The following SH3RF3 variants were observed in gnomAD, a reference collection of about 807,000 sequenced individuals.
The protein encoded by SH3RF3 is E3 ubiquitin-protein ligase SH3RF3.
Under a neutral mutation model 66.3 loss-of-function variants are expected in SH3RF3, and 29 were observed. The ratio of observed to expected loss-of-function variants is 0.44; its 90% CI spans 0.33 to 0.60. The LOEUF is 0.60. Among genes scored for constraint, SH3RF3 ranks in the 20% least tolerant of loss-of-function variants. The pLI, the probability that SH3RF3 is intolerant of heterozygous loss-of-function variation, is 0.04. For synonymous variants in SH3RF3, 583 were observed against 532.0 expected, an observed-to-expected ratio of 1.10 and a Z score of -1.32; for missense variants, 1,194 against 1,190.9, an observed-to-expected ratio of 1.00 and a Z score of -0.04.
Position 109,504,079 on chromosome 2 carries a change from A to C in SH3RF3, c.*2408A>C, listed in dbSNP as rs1039990930. On this transcript the variant is annotated 3_prime_UTR_variant, in exon 10 of 10. Transcript: ENST00000309415. ...GCCCATGTGCATTTCTGAGTATTTT[A>C]AACTCGTTCAGGCCCTGCAGCCTTC... 1 of 152,214 alleles carries C rather than the reference A, an allele frequency of 6.6e-6. No homozygotes were observed. Among genetic ancestry groups the C allele is most frequent in the African/African-American group, 2.4e-5 (1 of 41,452 alleles). The allele number at this position is 152,214 out of a possible 1,614,324, so 9.4% of individuals were successfully genotyped here.
intron 1 of SH3RF3, among the ~76,000 whole-genome samples, chr2:109,169,568 T>A (rs1677709462): frequency 6.6e-6 from 1 of 152,124 alleles, no homozygotes; most frequent in Non-Finnish European, 1.5e-5. Context: ...GCTAAAGGCA[T>A]AAAGTTGCTT....
At chr2:109,403,077 C>T (rs1167906282) in intron 4 of SH3RF3, among the ~76,000 whole-genome samples, 1 of 152,172 alleles carries the variant, frequency 6.6e-6, no homozygotes, top group Non-Finnish European at 1.5e-5. Flanking sequence ...ACTGGTTTTG[C>T]TCTTTCTTTG....
At chr2:109,264,911 C>G (rs1333216244) in intron 1 of SH3RF3, among the ~76,000 whole-genome samples, 1 of 152,186 alleles carries the variant, frequency 6.6e-6, no homozygotes, top group African/African-American at 2.4e-5. Flanking sequence ...GTCTGCCTTC[C>G]TAGCATAATT....
chr2:109,273,454 G>A (rs183084830), intron 1 of SH3RF3, among the ~76,000 whole-genome samples: 179 of 152,332 alleles, frequency 1.2e-3, no homozygotes, highest in African/African-American at 3.7e-3. Flanking sequence ...GGGGCTGGGC[G>A]GAGGAGGGGA....
intron 1 of SH3RF3, among the ~76,000 whole-genome samples, chr2:109,324,114 C>T (rs538760826): frequency 2.0e-5 from 3 of 152,118 alleles, no homozygotes; most frequent in Non-Finnish European, 4.4e-5. Flanking sequence ...TTTCAAGGTT[C>T]GTCTTGGTTG....
chr2:109,458,996 A>G (rs528725089), intron 8 of SH3RF3, among the ~76,000 whole-genome samples: 7 of 152,312 alleles, frequency 4.6e-5, no homozygotes, highest in Non-Finnish European at 1.0e-4. Context: ...TAGTTTCCAC[A>G]TAAAGACAAA....
intron 1 of SH3RF3, among the ~76,000 whole-genome samples, chr2:109,159,325 C>T (rs763431079): frequency 6.6e-6 from 1 of 152,162 alleles, no homozygotes; most frequent in Non-Finnish European, 1.5e-5. Flanking sequence ...CTCGTCCTGC[C>T]GAGAGGGTGC....
At chr2:109,371,751 C>T (rs527481233) in intron 3 of SH3RF3, 70 bp downstream of exon 3, 5 of 1,356,482 alleles carry the variant, frequency 3.7e-6, no homozygotes, top group South Asian at 1.2e-5. Flanking sequence ...GTGGGGTCAC[C>T]TGACCTTCAA....
At chr2:109,459,067 C>T (rs138239924) in intron 8 of SH3RF3, among the ~76,000 whole-genome samples, 51 of 152,196 alleles carry the variant, frequency 3.4e-4, no homozygotes, top group Middle Eastern at 3.4e-3. Context: ...AGAGTGCATG[C>T]GCCCTTCCCA....
intron 1 of SH3RF3, among the ~76,000 whole-genome samples, chr2:109,134,642 TCCTTGCTGAGCGGCAC>T (rs1477621461): frequency 6.6e-6 from 1 of 152,198 alleles, no homozygotes; most frequent in Non-Finnish European, 1.5e-5. Context: ...CTCCAGAATT[TCCTTGCTGAGCGGCAC>T]ACAGTTAATG....
At chr2:109,413,983 C>T (rs931304306) in intron 4 of SH3RF3, among the ~76,000 whole-genome samples, 1 of 152,244 alleles carries the variant, frequency 6.6e-6, no homozygotes, top group Non-Finnish European at 1.5e-5. Flanking sequence ...GTGGGTCCTT[C>T]TAGGTCCTTG....
At chr2:109,451,269 TC>T (rs1238822375) in intron 8 of SH3RF3, among the ~76,000 whole-genome samples, 1 of 152,218 alleles carries the variant, frequency 6.6e-6, no homozygotes, top group African/African-American at 2.4e-5. Context: ...TTGAATCTGT[TC>T]CCTTCTACCC....
In SH3RF3 at chr2:109,366,774, G is replaced by A. The variant is rs895580253; in HGVS notation, c.850-4812G>A. Among the ~76,000 whole-genome samples the A allele has an allele frequency of 4.6e-5, 7 of 152,268 alleles. No individual in the cohort carries two copies. The East Asian group carries it at 7.7e-4, about 17-fold the overall frequency. ...AGGCTGAGGAGGGAGGACCACTTGC[G>A]CCTGGAAAGTCAAAGCTGCAGTGAG... is the stretch of plus-strand genomic sequence containing the variant. On this transcript the variant is annotated intron_variant, in intron 2 of 9. Coordinates refer to ENST00000309415, the MANE Select transcript of SH3RF3 (RefSeq NM_001099289.3).
intron 3 of SH3RF3, among the ~76,000 whole-genome samples, chr2:109,374,285 G>A (rs1460585130): frequency 6.6e-6 from 1 of 152,244 alleles, no homozygotes; most frequent in Non-Finnish European, 1.5e-5. Flanking sequence ...TGCCCATGCA[G>A]TACTGGGCTC....
Position 109,401,581 on chromosome 2 carries a change from T to C in SH3RF3, c.1299+2638T>C, listed in dbSNP as rs909487899. Among the ~76,000 whole-genome samples the C allele has an allele frequency of 2.6e-5, 4 of 152,218 alleles. No individual in the cohort carries two copies. In the East Asian group the frequency reaches 7.7e-4, roughly 29 times the overall value. ...TGTCCAAAGCTGCCCTCGGTGTTCCTTGGAGTTCTAAAAAAGGAGCCCACA... is the reference window on the plus strand; with the variant it reads ...TGTCCAAAGCTGCCCTCGGTGTTCCCTGGAGTTCTAAAAAAGGAGCCCACA... On this transcript the variant is annotated intron_variant, in intron 4 of 9. Transcript: ENST00000309415.
chr2:109,490,059 C>CT (rs1373757133), intron 8 of SH3RF3, among the ~76,000 whole-genome samples: 1 of 152,162 alleles, frequency 6.6e-6, no homozygotes, highest in East Asian at 1.9e-4. Context: ...TTGGTCTTAG[C>CT]TTTGTTTTCC....
chr2:109,331,951 C>T (rs569839364), intron 1 of SH3RF3, among the ~76,000 whole-genome samples: 7 of 152,194 alleles, frequency 4.6e-5, no homozygotes, highest in African/African-American at 9.7e-5. Flanking sequence ...GCCGATCCTC[C>T]GATGGGTCTT....
Position 109,129,614 on chromosome 2 carries a change from A to G in SH3RF3, c.74A>G (p.Asp25Gly). 2.0e-6 allele frequency: 3 copies of G among 1,485,792 alleles called. No individual in the cohort carries two copies. The highest frequency in any genetic ancestry group is 1.8e-6 in the Non-Finnish European group (2 of 1,126,484). 92.0% of individuals were successfully genotyped at this position (1,485,792 alleles called of 1,614,324 possible). Reference sequence around the variant, plus strand: ...GCTGCGCAGAGCGAGGGCGACGAGGACAGGCCAGGCGAGCGACGGCGGCGT... The same window carrying G: ...GCTGCGCAGAGCGAGGGCGACGAGGGCAGGCCAGGCGAGCGACGGCGGCGT... Reference protein sequence around the residue: ...AAAAQSEGDEDRPGERRRRRA... With the variant: ...AAAAQSEGDEGRPGERRRRRA... The change falls in exon 1 of 10, where the codon GAC (aspartate) becomes GGC (glycine). Residue 25 changes from aspartate (D) to glycine (G), a missense_variant. By Grantham distance (94) the Asp-to-Gly change is moderately conservative. Coordinates refer to ENST00000309415, the MANE Select transcript of SH3RF3 (RefSeq NM_001099289.3).
intron 3 of SH3RF3, among the ~76,000 whole-genome samples, chr2:109,397,100 G>T (rs1041040080): frequency 2.0e-5 from 3 of 152,154 alleles, no homozygotes; most frequent in African/African-American, 7.2e-5. Context: ...TGCTGCTGCA[G>T]AGACCCTGTA....
Sources: allele counts gnomAD v4.1 joint callset (sites outside exome capture counted in the v4.1 genomes callset), GRCh38; gene constraint gnomAD v4.1.1; transcripts MANE v1.5; gene names NCBI Gene and HGNC (gene_info 2026-07-23, HGNC 2026-07-21).